The following NRL variants were observed in gnomAD, a reference collection of about 807,000 sequenced individuals.
The protein encoded by NRL is neural retina leucine zipper.
NRL carries 16 observed loss-of-function variants against 12.5 expected under a neutral mutation model. That is an observed-to-expected ratio of 1.28 (90% CI 0.87 to 1.95). NRL has a LOEUF of 1.95. Ranked by LOEUF, NRL falls within the 30% of genes most tolerant of loss-of-function variation. The pLI, the probability that NRL is intolerant of heterozygous loss-of-function variation, is 0.00. For synonymous variants in NRL, 142 were observed against 150.9 expected (o/e 0.94, Z 0.43); for missense variants, 314 against 325.8 (o/e 0.96, Z 0.28).
In NRL at chr14:24,094,469, T is replaced by C; in HGVS notation, c.-27-11594A>G. ...CCCCGGCCCGGGGCCCACCCGCACC[T>C]TCCGCTGCGCTCGCCCCCTCGGGGC... On this transcript the variant is annotated intron_variant, in intron 1 of 2. Coordinates refer to ENST00000561028, the MANE Select transcript of NRL (RefSeq NM_001354768.3). This position sits in a 1 kb window ranked among gnomAD's most constrained non-coding sequence, Gnocchi z 4.1. 6.6e-7 allele frequency: 1 copy of C among 1,506,904 alleles called. No homozygotes were observed. The allele number at this position is 1,506,904 out of a possible 1,614,324, so 93.3% of individuals were successfully genotyped here.
intron 1 of NRL, chr14:24,098,990 C>A: frequency 1.5e-6 from 2 of 1,352,252 alleles, no homozygotes; most frequent in South Asian, 1.3e-5. Context: ...ATCCCTCTGG[C>A]CCCGACACCC....
chr14:24,086,502 G>C (rs1356756975), intron 1 of NRL, among the ~76,000 whole-genome samples: 1 of 152,152 alleles, frequency 6.6e-6, no homozygotes, highest in Non-Finnish European at 1.5e-5. Flanking sequence ...AAAAGCCTAA[G>C]GCCTAGGAAC....
chr14:24,113,378 T>TAAAAAAA (rs370478810), intron 1 of NRL, among the ~76,000 whole-genome samples: 11 of 140,172 alleles, frequency 7.8e-5, no homozygotes, highest in African/African-American at 2.9e-4. Flanking sequence ...TAGAGTATAA[T>TAAAAAAA]AAAAAAAAAA....
At chr14:24,099,423 C>T (rs2037058879) in intron 1 of NRL, 1 of 1,024,400 alleles carries the variant, frequency 9.8e-7, no homozygotes, top group African/African-American at 1.6e-5. Flanking sequence ...TAACCCAGGC[C>T]TGATGGCAGG....
chr14:24,099,893 G>C (rs1470546423), intron 1 of NRL: 1 of 1,601,990 alleles, frequency 6.2e-7, no homozygotes. Flanking sequence ...ATCAGATCTT[G>C]GGTCCATCTC....
intron 1 of NRL, chr14:24,102,651 C>CAA (rs367813502): frequency 2.0e-4 from 173 of 882,538 alleles, no homozygotes; most frequent in African/African-American, 6.5e-4. Context: ...GCTGATGAGG[C>CAA]AAAAAAAAAA....
At chr14:24,102,748 G>A in intron 1 of NRL, 1 of 1,612,426 alleles carries the variant, frequency 6.2e-7, no homozygotes, top group Non-Finnish European at 8.5e-7. Flanking sequence ...TATTTCCTCT[G>A]CCAGGTGACA....
intron 1 of NRL, among the ~76,000 whole-genome samples, chr14:24,105,273 A>G: frequency 6.6e-6 from 1 of 152,208 alleles, no homozygotes; most frequent in Non-Finnish European, 1.5e-5. Context: ...AGGGTGGGCC[A>G]TGTGTTCCTT....
At chr14:24,086,813 C>A (rs567535274) in intron 1 of NRL, among the ~76,000 whole-genome samples, 7 of 152,146 alleles carry the variant, frequency 4.6e-5, no homozygotes, top group Non-Finnish European at 1.0e-4. Context: ...CAAGCTCAGG[C>A]GAGTTGAGCT....
chr14:24,097,703 C>T (rs1051987647), intron 1 of NRL, among the ~76,000 whole-genome samples: 2 of 151,748 alleles, frequency 1.3e-5, no homozygotes, highest in Non-Finnish European at 2.9e-5. Context: ...AAGCAATTCT[C>T]CTGCCTCAGC....
intron 1 of NRL, among the ~76,000 whole-genome samples, chr14:24,086,766 G>C (rs958308035): frequency 6.6e-6 from 1 of 152,208 alleles, no homozygotes; most frequent in Non-Finnish European, 1.5e-5. Flanking sequence ...GAGGTGGGAG[G>C]GCTAAGCTGC....
At position 24,094,169 on chromosome 14, in the gene NRL, C is replaced by T; in HGVS notation, c.-27-11294G>A. The T allele has an allele frequency of 1.8e-6, 1 of 549,082 alleles. No individual in the cohort carries two copies. Among genetic ancestry groups the T allele is most frequent in the Non-Finnish European group, 3.2e-6 (1 of 315,194 alleles). The allele number at this position is 549,082 out of a possible 1,614,324, so 34.0% of individuals were successfully genotyped here. ...TTGGAGGCAGGGGTTGGGGCGGCGG[C>T]TGGGCTGACCTGGAGCCTGGAGCCC... On this transcript the variant is annotated intron_variant, in intron 1 of 2. Coordinates refer to ENST00000561028, the MANE Select transcript of NRL (RefSeq NM_001354768.3). This position sits in a 1 kb window ranked among gnomAD's most constrained non-coding sequence, Gnocchi z 4.1.
chr14:24,081,705 C>A lies in NRL; in HGVS notation c.382-137G>T, dbSNP rs1280065219. ...CTTCACCGGAAGGCTCGCCCTTCCA[C>A]GCAGTCTGTTTCGGTCCAGAGCCCG... On this transcript the variant is annotated intron_variant, in intron 2 of 2. Coordinates refer to ENST00000561028, the MANE Select transcript of NRL (RefSeq NM_001354768.3). The surrounding 1 kb of genome is among the most constrained non-coding windows in gnomAD (Gnocchi z 4.4). The A allele has an allele frequency of 1.4e-5, 21 of 1,525,896 alleles. No individual in the cohort carries two copies. Among genetic ancestry groups the A allele is most frequent in the Admixed American group, 2.0e-5 (1 of 50,634 alleles). The allele number at this position is 1,525,896 out of a possible 1,614,324, so 94.5% of individuals were successfully genotyped here. A position where few individuals can be genotyped will look rare whatever the true frequency, so the allele number is the denominator to read the frequency against.
intron 1 of NRL, chr14:24,093,125 C>A (rs1187973252): frequency 6.6e-6 from 1 of 152,264 alleles, no homozygotes; most frequent in Non-Finnish European, 1.5e-5. Flanking sequence ...TGACATCAGA[C>A]CCACATGACA....
In NRL at chr14:24,094,214, C is replaced by T. The variant is rs2036742702; in HGVS notation, c.-27-11339G>A. The T allele has an allele frequency of 1.7e-6, 1 of 586,364 alleles. No homozygotes were observed. The highest frequency in any genetic ancestry group is 2.0e-5 in the African/African-American group (1 of 50,202). The allele number at this position is 586,364 out of a possible 1,614,324, so 36.3% of individuals were successfully genotyped here. A position where few individuals can be genotyped will look rare whatever the true frequency, so the allele number is the denominator to read the frequency against. ...GAGCCCCGGGGCCGAGGGAGCTGGC[C>T]TGCCAGCGGGGCGGAGGAAAGCTAG... On this transcript the variant is annotated intron_variant, in intron 1 of 2. Transcript: ENST00000561028. This position sits in a 1 kb window ranked among gnomAD's most constrained non-coding sequence, Gnocchi z 4.1.
intron 1 of NRL, chr14:24,103,306 C>A: frequency 6.9e-7 from 1 of 1,442,526 alleles, no homozygotes; most frequent in Non-Finnish European, 9.7e-7. Flanking sequence ...ACAGCACGTC[C>A]TCTCTCCCTT....
intron 1 of NRL, chr14:24,096,864 T>G (rs761035374): frequency 6.3e-7 from 1 of 1,599,174 alleles, no homozygotes; most frequent in Non-Finnish European, 8.5e-7. Flanking sequence ...TGACAGCAAC[T>G]AGCTCATTGC....
At chr14:24,100,698 C>A in intron 1 of NRL, 1 of 342,026 alleles carries the variant, frequency 2.9e-6, no homozygotes, top group Non-Finnish European at 4.2e-6. Context: ...TCTGCTCCAA[C>A]TCTCCTCCTG....
chr14:24,098,276 C>G (rs778125092), intron 1 of NRL: 1 of 1,613,908 alleles, frequency 6.2e-7, no homozygotes, highest in Non-Finnish European at 8.5e-7. Flanking sequence ...TCCTTCTCAG[C>G]GGGACACGGT....
Sources: allele counts gnomAD v4.1 joint callset (sites outside exome capture counted in the v4.1 genomes callset), GRCh38; gene constraint gnomAD v4.1.1; non-coding constraint Gnocchi (gnomAD v3.1); transcripts MANE v1.5; gene names NCBI Gene and HGNC (gene_info 2026-07-23, HGNC 2026-07-21).